Variants in IGSF21 observed in about 807,000 individuals in gnomAD.
IGSF21 encodes immunoglobulin superfamily member 21.
IGSF21 carries 28 observed loss-of-function variants against 46.8 expected under a neutral mutation model. That is an observed-to-expected ratio of 0.60 (90% CI 0.44 to 0.82). The LOEUF (loss-of-function observed/expected upper bound fraction) is 0.82, where lower values mean the gene tolerates loss of function less well. IGSF21 is among the 40% of genes least tolerant of loss of function. The probability of loss-of-function intolerance (pLI) is 0.00; values close to 1 mark genes in which losing one functional copy is unlikely to be tolerated. For synonymous variants in IGSF21, 284 were observed against 273.6 expected, an observed-to-expected ratio of 1.04 and a Z score of -0.38; for missense variants, 624 against 665.5, an observed-to-expected ratio of 0.94 and a Z score of 0.69.
intron 5 of IGSF21, among the ~76,000 whole-genome samples, chr1:18,364,071 C>T (rs996099200): frequency 5.3e-5 from 8 of 152,042 alleles, no homozygotes; most frequent in Non-Finnish European, 8.8e-5. Context: ...AGCCCAGGGG[C>T]TGTAGGAAGA....
At chr1:18,325,455 T>A (rs1189917284) in intron 3 of IGSF21, among the ~76,000 whole-genome samples, 1 of 152,116 alleles carries the variant, frequency 6.6e-6, no homozygotes, top group African/African-American at 2.4e-5. Context: ...CGGGCTTGTC[T>A]GACCAGCAGC....
intron 4 of IGSF21, among the ~76,000 whole-genome samples, chr1:18,345,131 C>G (rs979217401): frequency 2.0e-5 from 3 of 152,206 alleles, no homozygotes; most frequent in African/African-American, 7.2e-5. Context: ...AAGCCCTCTC[C>G]CTCTGCCTGC....
rs149073928 is a variant in IGSF21, at chr1:18,370,615, A to G, written c.1015+4918A>G. On this transcript the variant is annotated intron_variant, in intron 6 of 9. Transcript: ENST00000251296. Reference sequence around the variant, plus strand: ...AATTGAATTTGGTAAATTGGACTTAATCAAAAATTAAATCTTCTGCTCTTA... The same window carrying G: ...AATTGAATTTGGTAAATTGGACTTAGTCAAAAATTAAATCTTCTGCTCTTA... 3.6e-3 allele frequency among the ~76,000 whole-genome samples: 553 copies of G among 152,332 alleles called. 3 individuals carry two copies. Among genetic ancestry groups the G allele is most frequent in the African/African-American group, 0.013 (529 of 41,588 alleles).
intron 7 of IGSF21, among the ~76,000 whole-genome samples, 196 bp from the exon 8 acceptor site, chr1:18,376,603 CT>C (rs960259828): frequency 3.9e-5 from 6 of 152,232 alleles, no homozygotes; most frequent in African/African-American, 1.4e-4. Flanking sequence ...CCTTCTAGAA[CT>C]CAGAGTAAAC....
At chr1:18,227,521 T>C in intron 1 of IGSF21, among the ~76,000 whole-genome samples, 1 of 151,630 alleles carries the variant, frequency 6.6e-6, no homozygotes, top group East Asian at 1.9e-4. Context: ...GGAGGGGCGA[T>C]GTTGGGGCAC....
At chr1:18,328,813 C>G (rs377315087) in intron 3 of IGSF21, among the ~76,000 whole-genome samples, 125 of 152,268 alleles carry the variant, frequency 8.2e-4, no homozygotes, top group African/African-American at 3.0e-3. Flanking sequence ...TGTCTCCATT[C>G]TATGAAAATC....
Position 18,292,002 on chromosome 1 carries a change from G to T in IGSF21, c.305+15G>T, listed in dbSNP as rs751192052. ...TCCACTGTGAGGTGAGTGCCTGGGG[G>T]TGGCGGGCCGACAGCGGGGGAAGGG... On this transcript the variant is annotated intron_variant, in intron 3 of 9. Transcript: ENST00000251296. 10 of 1,611,426 alleles carry T rather than the reference G, an allele frequency of 6.2e-6. No homozygotes were observed. In the East Asian group the frequency reaches 1.8e-4, roughly 29 times the overall value.
chr1:18,346,333 T>C (rs1181151792), intron 4 of IGSF21, among the ~76,000 whole-genome samples: 1 of 152,072 alleles, frequency 6.6e-6, no homozygotes. Context: ...TTTCCTCTTC[T>C]GGAAACTGAA....
chr1:18,147,212 T>G (rs192973659), intron 1 of IGSF21, among the ~76,000 whole-genome samples: 47 of 152,296 alleles, frequency 3.1e-4, no homozygotes, highest in African/African-American at 9.9e-4. Context: ...GCTTCCGGGC[T>G]TGAACCCCTC....
chr1:18,126,214 TCGC>T (rs2086273498), intron 1 of IGSF21, among the ~76,000 whole-genome samples: 2 of 45,954 alleles, frequency 4.4e-5, no homozygotes, highest in Non-Finnish European at 1.0e-4. Context: ...AGCTGAGAGC[TCGC>T]TCGCTTTGGC....
intron 4 of IGSF21, among the ~76,000 whole-genome samples, chr1:18,336,802 A>G (rs1384726993): frequency 2.0e-5 from 3 of 152,146 alleles, no homozygotes; most frequent in African/African-American, 7.2e-5. Flanking sequence ...AATTTGCAAA[A>G]GAAAGAGGTT....
chr1:18,215,681 C>A (rs750612718), intron 1 of IGSF21, among the ~76,000 whole-genome samples: 19 of 152,116 alleles, frequency 1.2e-4, no homozygotes, highest in Non-Finnish European at 2.8e-4. Flanking sequence ...ATGGCTGTGG[C>A]TCAGGGTGCA....
intron 2 of IGSF21, among the ~76,000 whole-genome samples, chr1:18,288,616 A>G (rs189072109): frequency 9.0e-4 from 137 of 152,024 alleles, no homozygotes; most frequent in South Asian, 8.8e-3. Flanking sequence ...ATAATCCCCA[A>G]CTCCCACCTG....
intron 2 of IGSF21, among the ~76,000 whole-genome samples, chr1:18,289,750 C>A (rs1041868015): frequency 2.0e-5 from 3 of 152,180 alleles, no homozygotes; most frequent in African/African-American, 7.2e-5. Flanking sequence ...CCTACCAAAC[C>A]GCACCTCTCC....
At chr1:18,185,887 G>A (rs1189719033) in intron 1 of IGSF21, among the ~76,000 whole-genome samples, 5 of 152,230 alleles carry the variant, frequency 3.3e-5, no homozygotes, top group Non-Finnish European at 5.9e-5. Flanking sequence ...AGCTGGGCAA[G>A]TCATTGCCCC....
chr1:18,178,741 A>T (rs1282356658), intron 1 of IGSF21, among the ~76,000 whole-genome samples: 1 of 151,906 alleles, frequency 6.6e-6, no homozygotes, highest in Non-Finnish European at 1.5e-5. Flanking sequence ...AAGTGATGTC[A>T]TCCCCCCTTC....
chr1:18,200,562 G>A (rs1326017148), intron 1 of IGSF21, among the ~76,000 whole-genome samples: 2 of 152,094 alleles, frequency 1.3e-5, no homozygotes. Flanking sequence ...CCATCACGTG[G>A]CCTGCTCCCT....
At chr1:18,185,601 A>G (rs1325593030) in intron 1 of IGSF21, among the ~76,000 whole-genome samples, 1 of 152,094 alleles carries the variant, frequency 6.6e-6, no homozygotes, top group African/African-American at 2.4e-5. Flanking sequence ...TAATTGTGAG[A>G]GCCTGGTGTT....
At chr1:18,187,585 A>G (rs1247651079) in intron 1 of IGSF21, among the ~76,000 whole-genome samples, 1 of 152,188 alleles carries the variant, frequency 6.6e-6, no homozygotes, top group Non-Finnish European at 1.5e-5. Flanking sequence ...CTGCGATCCA[A>G]TTATCTCCCA....
Sources: allele counts gnomAD v4.1 joint callset (sites outside exome capture counted in the v4.1 genomes callset), GRCh38; gene constraint gnomAD v4.1.1; transcripts MANE v1.5; gene names NCBI Gene and HGNC (gene_info 2026-07-23, HGNC 2026-07-21).